Variants in MAGI1 observed in about 807,000 individuals in gnomAD.
MAGI1 encodes the protein membrane-associated guanylate kinase, WW and PDZ domain-containing protein 1.
A neutral mutation model predicts 139.9 loss-of-function variants in MAGI1; 58 were observed. The observed-to-expected ratio is 0.41, with a 90% CI of 0.34 to 0.52. The LOEUF (loss-of-function observed/expected upper bound fraction) is 0.52. Among genes scored for constraint, MAGI1 ranks in the 20% least tolerant of loss-of-function variants. The pLI, the probability that MAGI1 is intolerant of heterozygous loss-of-function variation, is 0.12. For missense variants in MAGI1, 1,874 were observed against 1,901.6 expected, an observed-to-expected ratio of 0.99 and a Z score of 0.27; for synonymous variants, 812 against 737.9, an observed-to-expected ratio of 1.10 and a Z score of -1.63.
chr3:65,687,602 T>C (rs993242482), intron 1 of MAGI1: 8 of 394,936 alleles, frequency 2.0e-5, no homozygotes, highest in African/African-American at 6.4e-5. Context: ...ATTGAAGAAG[T>C]TGGATAGGTG....
intron 2 of MAGI1, among the ~76,000 whole-genome samples, chr3:65,525,660 CA>C (rs1382002998): frequency 6.6e-6 from 1 of 152,168 alleles, no homozygotes; most frequent in Admixed American, 6.5e-5. Context: ...CATTCAATTA[CA>C]GTCACAGAGA....
chr3:65,933,833 AT>A (rs2062919105), intron 1 of MAGI1, among the ~76,000 whole-genome samples: 1 of 152,208 alleles, frequency 6.6e-6, no homozygotes, highest in Admixed American at 6.5e-5. Flanking sequence ...TTATAAACAT[AT>A]CCCCATTCCG....
At chr3:65,779,176 AT>A (rs1455504532) in intron 1 of MAGI1, among the ~76,000 whole-genome samples, 1 of 152,016 alleles carries the variant, frequency 6.6e-6, no homozygotes, top group Non-Finnish European at 1.5e-5. Flanking sequence ...AGCCTCACTC[AT>A]TTTTTTTCTT....
intron 2 of MAGI1, among the ~76,000 whole-genome samples, chr3:65,547,718 G>T (rs146138788): frequency 2.6e-5 from 4 of 152,154 alleles, no homozygotes; most frequent in African/African-American, 4.8e-5. Context: ...ATTCTTGGTG[G>T]CTGAGTGTAT....
chr3:65,544,319 G>C (rs2079398856), intron 2 of MAGI1, among the ~76,000 whole-genome samples: 1 of 152,176 alleles, frequency 6.6e-6, no homozygotes, highest in Admixed American at 6.5e-5. Context: ...CATACCTGTA[G>C]TTGTGCTAGT....
rs1362889081 is a variant in MAGI1 at position 65,487,825 on chromosome 3, T to C, written c.550+5687A>G. 2.6e-5 allele frequency among the ~76,000 whole-genome samples: 4 copies of C among 152,238 alleles called. No individual in the cohort carries two copies. In the East Asian group the frequency reaches 5.8e-4, roughly 22 times the overall value. On this transcript the variant is annotated intron_variant, in intron 3 of 22. Coordinates refer to ENST00000402939, the MANE Select transcript of MAGI1 (RefSeq NM_001033057.2). ...ACCTGCTTTGCTTTGTGAAGTCAGC[T>C]GGTGAGGACAGAGATCTTGTTGAGC... is the stretch of plus-strand genomic sequence containing the variant.
intron 1 of MAGI1, among the ~76,000 whole-genome samples, chr3:65,972,349 T>C (rs557374055): frequency 2.0e-5 from 3 of 152,388 alleles, no homozygotes; most frequent in Admixed American, 6.5e-5. Flanking sequence ...TTTTGCTGGT[T>C]AATTGACTAC....
intron 2 of MAGI1, among the ~76,000 whole-genome samples, chr3:65,497,015 TG>T (rs1192773994): frequency 1.3e-5 from 2 of 152,076 alleles, no homozygotes; most frequent in Non-Finnish European, 2.9e-5. Flanking sequence ...GGAAAGGTTT[TG>T]GGAAAAGGGA....
At chr3:65,931,855 T>G (rs1437944830) in intron 1 of MAGI1, among the ~76,000 whole-genome samples, 1 of 148,648 alleles carries the variant, frequency 6.7e-6, no homozygotes, top group African/African-American at 2.6e-5. Context: ...CCTATATTTT[T>G]TATTGCACTG....
Position 65,687,723 on chromosome 3 carries a change from C to A in MAGI1, c.314-65635G>T, listed in dbSNP as rs72908159. On this transcript the variant is annotated intron_variant, in intron 1 of 22. Transcript: ENST00000402939. ...CTGTTGCTGCCCTGGGAAACAAAGT[C>A]GGGGGAAGCCTGAGAGCACAGGATC... 3,042 of 534,754 alleles carry A rather than the reference C, an allele frequency of 5.7e-3. 67 individuals are homozygous for A. The highest frequency in any genetic ancestry group is 0.051 in the African/African-American group (2,683 of 52,106). 33.1% of individuals were successfully genotyped at this position (534,754 alleles called of 1,614,324 possible).
At chr3:65,968,238 T>G (rs1364225444) in intron 1 of MAGI1, among the ~76,000 whole-genome samples, 3 of 152,252 alleles carry the variant, frequency 2.0e-5, no homozygotes, top group Admixed American at 6.5e-5. Flanking sequence ...GTGTCCACCT[T>G]TTGAACCAGG....
chr3:65,721,544 A>G (rs1434963920), intron 1 of MAGI1, among the ~76,000 whole-genome samples: 11 of 152,204 alleles, frequency 7.2e-5, no homozygotes, highest in Non-Finnish European at 4.4e-5. Context: ...TAAGGGATTT[A>G]GAAAATCTTA....
In MAGI1 at chr3:65,683,792, C is replaced by T. The variant is rs144781287; in HGVS notation, c.314-61704G>A. ...AGAATGGATGAAATGAAAATATTGA[C>T]GCCACCAAATGCTGGCAAGGATGTG... is the stretch of plus-strand genomic sequence containing the variant. On this transcript the variant is annotated intron_variant, in intron 1 of 22. Coordinates refer to ENST00000402939, the MANE Select transcript of MAGI1 (RefSeq NM_001033057.2). Among the ~76,000 whole-genome samples, 1,169 of 151,856 alleles carry T rather than the reference C, an allele frequency of 7.7e-3. 49 individuals carry two copies. The highest frequency in any genetic ancestry group is 0.07 in the Admixed American group (1,071 of 15,252).
At chr3:65,816,883 C>CT (rs2041638212) in intron 1 of MAGI1, among the ~76,000 whole-genome samples, 1 of 152,144 alleles carries the variant, frequency 6.6e-6, no homozygotes, top group Non-Finnish European at 1.5e-5. Context: ...AGAATCTCTT[C>CT]TTTCATCTTC....
intron 2 of MAGI1, among the ~76,000 whole-genome samples, chr3:65,511,179 G>A (rs200419857): frequency 0.31 from 45,801 of 148,486 alleles, 8,023 homozygotes; most frequent in East Asian, 0.71. Context: ...AGGAACAACC[G>A]GTACCAGCTG....
chr3:65,936,918 T>TTGGTGGTGG (rs1259563648), intron 1 of MAGI1, among the ~76,000 whole-genome samples: 3 of 149,230 alleles, frequency 2.0e-5, no homozygotes, highest in Non-Finnish European at 4.5e-5. Flanking sequence ...GTTGTTGTTG[T>TTGGTGGTGG]TGGTGGTGGT....
intron 1 of MAGI1, among the ~76,000 whole-genome samples, chr3:65,912,752 A>C (rs532778852): frequency 6.6e-6 from 1 of 152,300 alleles, no homozygotes; most frequent in South Asian, 2.1e-4. Flanking sequence ...TGAACATGGA[A>C]AATTTTATCA....
chr3:65,524,775 T>C (rs757427517), intron 2 of MAGI1, among the ~76,000 whole-genome samples: 2 of 152,140 alleles, frequency 1.3e-5, no homozygotes, highest in Non-Finnish European at 2.9e-5. Context: ...GAATTCCTAG[T>C]GGTCACTCGC....
At chr3:65,474,525 G>A (rs905646396) in intron 4 of MAGI1, among the ~76,000 whole-genome samples, 1 of 151,930 alleles carries the variant, frequency 6.6e-6, no homozygotes, top group African/African-American at 2.4e-5. Context: ...GGAGGTTTAT[G>A]GAATACACAT....
Sources: gnomAD v4.1 joint callset for allele counts (sites outside exome capture counted in the v4.1 genomes callset) on GRCh38, gnomAD v4.1.1 for gene constraint, MANE v1.5 for transcripts, NCBI Gene and HGNC (gene_info 2026-07-23, HGNC 2026-07-21) for gene names.